Variants in USP43 observed in about 807,000 individuals in gnomAD.
The protein encoded by USP43 is ubiquitin carboxyl-terminal hydrolase 43.
In USP43, 33 loss-of-function variants were observed where a neutral mutation model predicts 90.7. The ratio of observed to expected loss-of-function variants is 0.36; its 90% CI spans 0.28 to 0.49. The LOEUF (loss-of-function observed/expected upper bound fraction) is 0.49. USP43 is among the 20% of genes least tolerant of loss of function. The pLI is 0.98. For missense variants in USP43, 1,274 were observed against 1,476.4 expected, an observed-to-expected ratio of 0.86 and a Z score of 2.25; for synonymous variants, 598 against 615.8, an observed-to-expected ratio of 0.97 and a Z score of 0.43.
chr17:9,672,288 G>A (rs1480527079), intron 3 of USP43, among the ~76,000 whole-genome samples: 2 of 152,126 alleles, frequency 1.3e-5, no homozygotes, highest in Non-Finnish European at 2.9e-5. Context: ...GAACCACTGC[G>A]CCTGGCCATC....
chr17:9,712,276 C>A, intron 14 of USP43, 144 bp downstream of exon 14: 3 of 1,012,908 alleles, frequency 3.0e-6, no homozygotes, highest in Admixed American at 3.9e-5. Context: ...TAAATGGGGT[C>A]TTCTATGACC....
chr17:9,650,254 ATCTT>A (rs1394278677), intron 1 of USP43, among the ~76,000 whole-genome samples: 2 of 152,212 alleles, frequency 1.3e-5, no homozygotes, highest in African/African-American at 2.4e-5. Flanking sequence ...CTGTTTTATT[ATCTT>A]TCTATTTTTA....
At chr17:9,658,651 A>G (rs949394615) in intron 2 of USP43, among the ~76,000 whole-genome samples, 1 of 152,218 alleles carries the variant, frequency 6.6e-6, no homozygotes, top group Non-Finnish European at 1.5e-5. Flanking sequence ...TCTTTTACTT[A>G]CCATGATTTC....
chr17:9,722,709 T>C (rs924342961), intron 14 of USP43, among the ~76,000 whole-genome samples: 4 of 152,198 alleles, frequency 2.6e-5, no homozygotes, highest in Non-Finnish European at 4.4e-5. Flanking sequence ...ATGAGAAATA[T>C]ATAACACATC....
At position 9,728,641 on chromosome 17, in the gene USP43, A is replaced by G; in HGVS notation, c.3023A>G (p.Asn1008Ser). The change falls in exon 15 of 15, where the codon AAC becomes AGC. Residue 1008 changes from asparagine (N) to serine (S), a missense_variant. Physicochemically the swap from Asn to Ser is conservative, Grantham distance 46 (BLOSUM62 1). Transcript: ENST00000285199. This position sits in a 1 kb window ranked among gnomAD's most constrained non-coding sequence, Gnocchi z 6.2. ...AGGTCCGTGTTTCGGAAGAAGGAGA[A>G]CAGGAGGAATGAGAGGGCAGAGGTC... ...LLRSVFRKKE[N>S]RRNERAEVSP... 6.2e-7 allele frequency: 1 copy of G among 1,613,794 alleles called. No individual in the cohort carries two copies. Among genetic ancestry groups the G allele is most frequent in the Non-Finnish European group, 8.5e-7 (1 of 1,179,836 alleles).
chr17:9,691,280 A>AT lies in USP43; in HGVS notation c.1354-1838dup, dbSNP rs577764057. Reference sequence around the variant, plus strand: ...CAGGCACCCGCCACCACACCTGGCTATTTTTTTTTGTATTTTTAGTAGAGA... The same window carrying AT: ...CAGGCACCCGCCACCACACCTGGCTATTTTTTTTTTGTATTTTTAGTAGAGA... On this transcript the variant is annotated intron_variant, in intron 8 of 14. Transcript: ENST00000285199. Among the ~76,000 whole-genome samples the AT allele has an allele frequency of 5.9e-3, 888 of 149,792 alleles. 5 individuals are homozygous for AT. The highest frequency in any genetic ancestry group is 0.015 in the Admixed American group (220 of 15,004).
chr17:9,710,080 C>A lies in USP43; in HGVS notation c.2136C>A (p.Ser712Arg). The A allele has an allele frequency of 1.9e-6, 3 of 1,545,348 alleles. No homozygotes were observed. Among genetic ancestry groups the A allele is most frequent in the Non-Finnish European group, 1.7e-6 (2 of 1,146,294 alleles). ...TCCTGTTCTATCAGAAGCGGAACAG[C>A]ATCCCTCCCTGGTCAGCCAGCAGCT... ...AYILFYQKRN[S>R]IPPWSASSSM... Residue 712 changes from serine to arginine, a missense_variant, in exon 13 of 15, where the codon AGC becomes AGA. By Grantham distance (110) the Ser-to-Arg change is moderately radical. This residue lies in a region of USP43 where 285 missense variants were observed against 349.6 expected (regional missense o/e 0.82). Coordinates refer to ENST00000285199, the MANE Select transcript of USP43 (RefSeq NM_153210.5).
At chr17:9,677,275 CCT>C (rs1389931378) in intron 5 of USP43, among the ~76,000 whole-genome samples, 1 of 152,092 alleles carries the variant, frequency 6.6e-6, no homozygotes, top group African/African-American at 2.4e-5. Flanking sequence ...ATAAAGAAGC[CCT>C]GAGAGGTTAA....
At chr17:9,717,890 G>A (rs1328687047) in intron 14 of USP43, among the ~76,000 whole-genome samples, 4 of 151,056 alleles carry the variant, frequency 2.6e-5, no homozygotes, top group Non-Finnish European at 5.9e-5. Flanking sequence ...TCCGCCTCCC[G>A]GGTTCAAGCG....
intron 2 of USP43, among the ~76,000 whole-genome samples, chr17:9,658,492 A>G (rs760488365): frequency 1.3e-5 from 2 of 152,126 alleles, no homozygotes; most frequent in Non-Finnish European, 2.9e-5. Context: ...TGGTTTGAAA[A>G]CCTATTTTCA....
At chr17:9,704,601 G>A (rs1001483122) in intron 12 of USP43, among the ~76,000 whole-genome samples, 1 of 152,196 alleles carries the variant, frequency 6.6e-6, no homozygotes, top group Non-Finnish European at 1.5e-5. Flanking sequence ...ACAGGCGTGA[G>A]CCACTGCGCC....
intron 2 of USP43, among the ~76,000 whole-genome samples, chr17:9,659,602 C>A (rs1018593299): frequency 6.6e-6 from 1 of 152,104 alleles, no homozygotes; most frequent in Non-Finnish European, 1.5e-5. Flanking sequence ...TTACTCTCTC[C>A]TCTCCCTGGC....
chr17:9,704,195 G>C (rs75687335), intron 12 of USP43, among the ~76,000 whole-genome samples: 2 of 152,196 alleles, frequency 1.3e-5, no homozygotes, highest in Non-Finnish European at 2.9e-5. Flanking sequence ...GAATTTCATA[G>C]AGTGTGCTTA....
At chr17:9,685,781 G>A (rs931584241) in intron 7 of USP43, among the ~76,000 whole-genome samples, 1 of 152,120 alleles carries the variant, frequency 6.6e-6, no homozygotes, top group African/African-American at 2.4e-5. Context: ...TGGCATAACC[G>A]TCACCTCAAA....
intron 1 of USP43, among the ~76,000 whole-genome samples, chr17:9,646,478 A>T (rs768630130): frequency 3.3e-5 from 5 of 152,106 alleles, no homozygotes; most frequent in Non-Finnish European, 7.4e-5. Context: ...GTCTGGAATG[A>T]TGTGGGGTAG....
chr17:9,724,981 A>G (rs1917184845), intron 14 of USP43, among the ~76,000 whole-genome samples: 1 of 152,180 alleles, frequency 6.6e-6, no homozygotes, highest in African/African-American at 2.4e-5. Context: ...AGCCCTGTTC[A>G]CAAAACACCT....
intron 2 of USP43, among the ~76,000 whole-genome samples, chr17:9,659,730 C>A (rs1435132763): frequency 6.6e-6 from 1 of 152,050 alleles, no homozygotes; most frequent in Non-Finnish European, 1.5e-5. Context: ...TGGAGAAGAT[C>A]CCCGAGAGGT....
At chr17:9,727,378 T>G (rs376933045) in intron 14 of USP43, among the ~76,000 whole-genome samples, 153 of 152,320 alleles carry the variant, frequency 1.0e-3, no homozygotes, top group African/African-American at 3.6e-3. Flanking sequence ...TTTTGGCATC[T>G]ATTTCTCTAT....
intron 14 of USP43, among the ~76,000 whole-genome samples, chr17:9,713,555 G>A (rs1417253254): frequency 2.0e-5 from 3 of 152,174 alleles, no homozygotes; most frequent in East Asian, 1.9e-4. Flanking sequence ...TCTGGCTACT[G>A]TGTGGAGAAG....
Sources: gnomAD v4.1 joint callset for allele counts (sites outside exome capture counted in the v4.1 genomes callset) on GRCh38, gnomAD v4.1.1 for gene constraint, gnomAD v4.1.1 regional missense constraint, Gnocchi (gnomAD v3.1) non-coding constraint, MANE v1.5 for transcripts, NCBI Gene and HGNC (gene_info 2026-07-23, HGNC 2026-07-21) for gene names.